SPDYE3: variants seen among roughly 807,000 people sequenced by gnomAD.
SPDYE3 encodes the protein speedy protein E3.
SPDYE3 carries 15 observed loss-of-function variants against 55.0 expected under a neutral mutation model. That is an observed-to-expected ratio of 0.27 (90% confidence interval 0.18 to 0.42). The LOEUF is 0.42. Among genes scored for constraint, SPDYE3 ranks in the 10% least tolerant of loss-of-function variants. The pLI is 1.00. For synonymous variants in SPDYE3, 89 were observed against 229.9 expected, an observed-to-expected ratio of 0.39 and a Z score of 5.55; for missense variants, 236 against 576.7, an observed-to-expected ratio of 0.41 and a Z score of 6.05.
intron 6 of SPDYE3, among the ~76,000 whole-genome samples, chr7:100,315,045 G>T (rs1291795866): frequency 6.7e-6 from 1 of 149,566 alleles, no homozygotes; most frequent in Non-Finnish European, 1.5e-5. Flanking sequence ...TTGAACTCAG[G>T]ACTTTGAGGC....
intron 1 of SPDYE3, 31 bp downstream of exon 1, chr7:100,308,022 T>C (rs1325770150): frequency 8.5e-6 from 13 of 1,527,680 alleles, no homozygotes; most frequent in Non-Finnish European, 1.1e-5. Flanking sequence ...AGAGGTGGCA[T>C]AGGATTGACT....
chr7:100,308,041 G>A, intron 1 of SPDYE3, 50 bp downstream of exon 1: 1 of 1,512,108 alleles, frequency 6.6e-7, no homozygotes, highest in African/African-American at 1.4e-5. Flanking sequence ...CTAAGACGAA[G>A]GAAGGGGGCC....
chr7:100,312,678 C>A (rs1390324496), intron 4 of SPDYE3, among the ~76,000 whole-genome samples: 1 of 136,416 alleles, frequency 7.3e-6, no homozygotes, highest in Non-Finnish European at 1.6e-5. Context: ...AGTTTGAGAC[C>A]AGCCTGGCCA....
chr7:100,315,242 G>A (rs1431031377), intron 6 of SPDYE3, among the ~76,000 whole-genome samples: 1 of 152,192 alleles, frequency 6.6e-6, no homozygotes, highest in African/African-American at 2.4e-5. Flanking sequence ...TCAGGCCAAT[G>A]CATTCCAGCC....
chr7:100,318,511 G>A (rs1233321191), intron 8 of SPDYE3, among the ~76,000 whole-genome samples: 1 of 152,110 alleles, frequency 6.6e-6, no homozygotes, highest in African/African-American at 2.4e-5. Context: ...ATGTGGTTCT[G>A]AAGGGAAGCA....
chr7:100,311,535 A>G (rs1351890295), intron 3 of SPDYE3, among the ~76,000 whole-genome samples: 1 of 138,684 alleles, frequency 7.2e-6, no homozygotes, highest in African/African-American at 2.8e-5. Flanking sequence ...CCAGGGAAGG[A>G]TATGACGCAG....
In SPDYE3 at chr7:100,319,643, C is replaced by T. The variant is rs1220221110; in HGVS notation, c.1425C>T (p.His475=). ...TCTACTTCCTGTACGGGAAGACCCA[C>T]TCTCACATACCCTTGCGCCCTAAGC... is the stretch of plus-strand genomic sequence containing the variant. The part of the protein sequence containing the change: ...KIFYFLYGKT[H]SHIPLRPKHW... Residue 475 remains histidine, a synonymous_variant, in exon 9 of 11, where the codon CAC becomes CAT. Coordinates refer to ENST00000332397, the MANE Select transcript of SPDYE3 (RefSeq NM_001004351.5). The T allele has an allele frequency of 6.2e-7, 1 of 1,614,144 alleles. No homozygotes were observed. Among genetic ancestry groups the T allele is most frequent in the Non-Finnish European group, 8.5e-7 (1 of 1,180,056 alleles).
chr7:100,315,101 G>C (rs1159555435), intron 6 of SPDYE3, among the ~76,000 whole-genome samples: 2 of 151,104 alleles, frequency 1.3e-5, no homozygotes, highest in East Asian at 1.9e-4. Flanking sequence ...CTGGGTGACA[G>C]AGCAAAACTC....
In SPDYE3 at chr7:100,318,099, TTCTC is replaced by T. The variant is rs1034150800; in HGVS notation, c.1346+953_1346+956del. ...CCCAGCAAGCAGACGTTTCCGGTTC[TTCTC>T]TCTCTCTCCTTCCCACATCAACCGC... On this transcript the variant is annotated intron_variant, in intron 8 of 10. Coordinates refer to ENST00000332397, the MANE Select transcript of SPDYE3 (RefSeq NM_001004351.5). Among the ~76,000 whole-genome samples, 9 of 151,776 alleles carry T rather than the reference TTCTC, an allele frequency of 5.9e-5. No individual in the cohort carries two copies. In the East Asian group the frequency reaches 1.2e-3, roughly 20 times the overall value.
chr7:100,315,139 C>T lies in SPDYE3; in HGVS notation c.1201+389C>T, dbSNP rs934122452. Among the ~76,000 whole-genome samples, 3 of 151,824 alleles carry T rather than the reference C, an allele frequency of 2.0e-5. No individual in the cohort carries two copies. The East Asian group carries it at 5.8e-4, about 29-fold the overall frequency. On this transcript the variant is annotated intron_variant, in intron 6 of 10. Transcript: ENST00000332397. ...CGTCAAAAGAAAAACCAAGGCTGGG[C>T]ACAGTAGCTCATGCCTGTAGTTCCA...
intron 4 of SPDYE3, among the ~76,000 whole-genome samples, chr7:100,312,446 A>G (rs371815751): frequency 0.042 from 4,706 of 112,280 alleles, 63 homozygotes; most frequent in African/African-American, 0.073. Context: ...GCAGTGAGCC[A>G]AGATCGTGCT....
chr7:100,310,095 C>G (rs541917488), intron 2 of SPDYE3, among the ~76,000 whole-genome samples: 1 of 138,698 alleles, frequency 7.2e-6, no homozygotes, highest in Non-Finnish European at 1.6e-5. Context: ...GATTCTGTCT[C>G]GAAACAGAAA....
rs1403080882 is a variant in SPDYE3 at position 100,319,691 on chromosome 7, C to A, written c.1473C>A (p.Pro491=). Residue 491 remains proline (P), a synonymous_variant, in exon 9 of 11, where the codon CCC becomes CCA. Transcript: ENST00000332397. ...RPKHWFQLCR[P]MNPRARKNCS... ...AGCATTGGTTCCAGTTATGCCGTCC[C>A]ATGAACCCGAGGGCCAGGAAGAACT... 6.2e-7 allele frequency: 1 copy of A among 1,614,122 alleles called. No homozygotes were observed. Among genetic ancestry groups the A allele is most frequent in the East Asian group, 2.2e-5 (1 of 44,896 alleles).
intron 2 of SPDYE3, among the ~76,000 whole-genome samples, chr7:100,309,736 A>AG (rs1301668658): frequency 3.5e-5 from 5 of 141,786 alleles, no homozygotes; most frequent in African/African-American, 7.7e-5. Context: ...AAAAAAAAAA[A>AG]AAGAAGAAAA....
chr7:100,317,715 C>T (rs1052437589), intron 8 of SPDYE3, among the ~76,000 whole-genome samples: 1 of 151,106 alleles, frequency 6.6e-6, no homozygotes, highest in African/African-American at 2.4e-5. Flanking sequence ...CCTGTAATCT[C>T]AACAGTTTGG....
intron 6 of SPDYE3, among the ~76,000 whole-genome samples, 199 bp from the exon 7 acceptor site, chr7:100,315,586 G>C (rs568349957): frequency 6.6e-6 from 1 of 151,702 alleles, no homozygotes; most frequent in Admixed American, 6.6e-5. Context: ...GGCCTCCTTC[G>C]GCCTCTTCTC....
Position 100,307,905 on chromosome 7 carries a change from A to G in SPDYE3, c.20A>G (p.Gln7Arg). 6.3e-7 allele frequency: 1 copy of G among 1,585,502 alleles called. No individual in the cohort carries two copies. Among genetic ancestry groups the G allele is most frequent in the Non-Finnish European group, 8.5e-7 (1 of 1,174,100 alleles). The change falls in exon 1 of 11, where the codon CAG (glutamine) becomes CGG (arginine). Residue 7 changes from glutamine to arginine, a missense_variant. Gln to Arg is a conservative substitution (Grantham distance 43). Coordinates refer to ENST00000332397, the MANE Select transcript of SPDYE3 (RefSeq NM_001004351.5). Reference sequence around the variant, plus strand: ...AAGATCATGACGAGCCATCAACCGCAGCCCCAGGAAGAGCAGAGCCCCCAG... The same window carrying G: ...AAGATCATGACGAGCCATCAACCGCGGCCCCAGGAAGAGCAGAGCCCCCAG... MTSHQP[Q>R]PQEEQSPQRS... is the part of the protein sequence containing the mutation.
chr7:100,311,580 G>A (rs1177166440), intron 3 of SPDYE3, among the ~76,000 whole-genome samples, 170 bp from the exon 4 acceptor site: 2 of 138,854 alleles, frequency 1.4e-5, no homozygotes, highest in African/African-American at 2.8e-5. Context: ...GAATGGGGAG[G>A]GGAAGGAGTG....
chr7:100,309,712 C>T (rs1173020529), intron 2 of SPDYE3, among the ~76,000 whole-genome samples: 1 of 110,342 alleles, frequency 9.1e-6, no homozygotes, highest in Non-Finnish European at 1.9e-5. Context: ...GAGAGTGAGA[C>T]GCTGTCTCAA....
Sources: allele counts gnomAD v4.1 joint callset (sites outside exome capture counted in the v4.1 genomes callset), GRCh38; gene constraint gnomAD v4.1.1; transcripts MANE v1.5; gene names NCBI Gene and HGNC (gene_info 2026-07-23, HGNC 2026-07-21).